Variants in SAMD12 observed in about 807,000 individuals in gnomAD.
SAMD12 encodes sterile alpha motif domain-containing protein 12.
A neutral mutation model predicts 15.0 loss-of-function variants in SAMD12; 9 were observed. The observed-to-expected ratio is 0.60, with a 90% CI of 0.36 to 1.05. The LOEUF is 1.05. Ranked by LOEUF, SAMD12 falls within the 50% of genes least tolerant of loss-of-function variation. The probability of loss-of-function intolerance (pLI) is 0.01; values close to 1 mark genes in which losing one functional copy is unlikely to be tolerated. For synonymous variants in SAMD12, 86 were observed against 90.1 expected (o/e 0.96, Z 0.25); for missense variants, 230 against 234.2 (o/e 0.98, Z 0.12).
At chr8:118,401,919 T>C (rs1332714820) in intron 3 of SAMD12, among the ~76,000 whole-genome samples, 5 of 152,214 alleles carry the variant, frequency 3.3e-5, no homozygotes, top group African/African-American at 1.2e-4. Context: ...CGATTTTCAA[T>C]CTAATTTTTA....
At chr8:118,146,241 A>G in the SAMD12 span, among the ~76,000 whole-genome samples, 3 of 152,208 alleles carry the variant, frequency 2.0e-5, no homozygotes, top group Non-Finnish European at 2.9e-5. Flanking sequence ...CATGATGTAC[A>G]AAGCATTGTG....
chr8:118,406,350 T>C (rs1408197896), intron 3 of SAMD12, among the ~76,000 whole-genome samples: 2 of 152,168 alleles, frequency 1.3e-5, no homozygotes, highest in African/African-American at 4.8e-5. Context: ...CTCGCCTCAC[T>C]GCAACTTCTG....
chr8:118,323,637 C>T (rs1174988508), intron 4 of SAMD12, among the ~76,000 whole-genome samples: 2 of 151,878 alleles, frequency 1.3e-5, no homozygotes, highest in South Asian at 4.2e-4. Context: ...GGTGTGGTGA[C>T]ACACACCTGT....
intron 4 of SAMD12, among the ~76,000 whole-genome samples, chr8:118,329,025 T>C (rs1816689436): frequency 6.6e-6 from 1 of 152,140 alleles, no homozygotes; most frequent in African/African-American, 2.4e-5. Context: ...AGATGCCACG[T>C]AAACAGCCTC....
At chr8:118,386,060 G>T (rs1039707464) in intron 3 of SAMD12, among the ~76,000 whole-genome samples, 86 of 152,196 alleles carry the variant, frequency 5.7e-4, no homozygotes, top group African/African-American at 2.0e-3. Flanking sequence ...TGAGCAGCAA[G>T]AAAAGGTGAG....
intron 2 of SAMD12, among the ~76,000 whole-genome samples, chr8:118,500,132 G>A (rs2131037809): frequency 7.0e-6 from 1 of 142,940 alleles, no homozygotes; most frequent in South Asian, 2.3e-4. Flanking sequence ...AGGCTGGAGG[G>A]CAATGGCGCG....
chr8:118,300,890 G>A (rs1814984644), intron 4 of SAMD12, among the ~76,000 whole-genome samples: 1 of 152,160 alleles, frequency 6.6e-6, no homozygotes, highest in Non-Finnish European at 1.5e-5. Context: ...TTTCTACAAT[G>A]TAAACACATC....
Position 118,225,152 on chromosome 8 carries a change from A to C in SAMD12, c.434-27420T>G, listed in dbSNP as rs565934787. 1.9e-3 allele frequency among the ~76,000 whole-genome samples: 287 copies of C among 152,298 alleles called. 2 individuals carry two copies. Among genetic ancestry groups the C allele is most frequent in the Middle Eastern group, 6.8e-3 (2 of 294 alleles). On this transcript the variant is annotated intron_variant, in intron 4 of 4. Coordinates refer to the SAMD12 transcript ENST00000409003. ...GGGGATAAGACATTTTTTATTAGAA[A>C]ATAGTAAAAGTAGTTCTCCCTAGAC...
At chr8:118,549,364 G>C (rs922192797) in intron 2 of SAMD12, among the ~76,000 whole-genome samples, 2 of 152,214 alleles carry the variant, frequency 1.3e-5, no homozygotes, top group South Asian at 4.1e-4. Context: ...AGCAGCATTC[G>C]TGGTTCACGA....
chr8:118,610,654 C>T (rs1163613273), intron 1 of SAMD12, among the ~76,000 whole-genome samples: 1 of 152,136 alleles, frequency 6.6e-6, no homozygotes, highest in Non-Finnish European at 1.5e-5. Context: ...AACAAATAGT[C>T]GAGTGCCTTC....
intron 4 of SAMD12, among the ~76,000 whole-genome samples, chr8:118,237,080 G>C (rs1392290339): frequency 3.9e-5 from 6 of 152,124 alleles, no homozygotes; most frequent in Admixed American, 3.9e-4. Flanking sequence ...ATGTCCACAG[G>C]ATTGGTGTGA....
At chr8:118,236,586 C>T (rs951398970) in intron 4 of SAMD12, among the ~76,000 whole-genome samples, 9 of 152,152 alleles carry the variant, frequency 5.9e-5, no homozygotes, top group East Asian at 1.9e-4. Context: ...AAAAAAACCT[C>T]GCCTGGGCTG....
At chr8:118,469,193 T>C (rs941003408) in intron 2 of SAMD12, among the ~76,000 whole-genome samples, 1 of 151,810 alleles carries the variant, frequency 6.6e-6, no homozygotes, top group Non-Finnish European at 1.5e-5. Flanking sequence ...TACCTTGTTG[T>C]GTACTTTTTT....
rs546368929 is a variant in SAMD12 at position 118,344,077 on chromosome 8, G to A, written c.433+35483C>T. 9.9e-4 allele frequency among the ~76,000 whole-genome samples: 150 copies of A among 152,276 alleles called. 1 individual carries two copies. Among genetic ancestry groups the A allele is most frequent in the African/African-American group, 3.5e-3 (146 of 41,548 alleles). ...GTGACTGCCAGGAAATGAAGCAAGC[G>A]AGGGACAGCAAACTTCAATCCAAAC... is the stretch of plus-strand genomic sequence containing the variant. On this transcript the variant is annotated intron_variant, in intron 4 of 4. Transcript: ENST00000409003.
the SAMD12 span, among the ~76,000 whole-genome samples, chr8:118,171,067 T>C: frequency 2.0e-5 from 3 of 152,208 alleles, no homozygotes; most frequent in South Asian, 2.1e-4. Context: ...TAAGTACATA[T>C]AAAAATGCTC....
chr8:118,429,003 T>G (rs950861923), intron 3 of SAMD12, among the ~76,000 whole-genome samples: 5 of 152,220 alleles, frequency 3.3e-5, no homozygotes, highest in African/African-American at 4.8e-5. Context: ...TGATTGTGAT[T>G]GCAGTGAATC....
intron 2 of SAMD12, among the ~76,000 whole-genome samples, chr8:118,532,694 A>G (rs1040354975): frequency 5.3e-5 from 8 of 152,066 alleles, no homozygotes; most frequent in Non-Finnish European, 8.8e-5. Flanking sequence ...GGAATTTATC[A>G]GTTTCCTCTA....
intron 4 of SAMD12, among the ~76,000 whole-genome samples, chr8:118,325,195 T>G (rs1213255172): frequency 6.6e-6 from 1 of 152,248 alleles, no homozygotes; most frequent in Non-Finnish European, 1.5e-5. Context: ...GATGTGGCAA[T>G]GGAACCCTAA....
At chr8:118,366,470 T>A (rs1818772990) in intron 4 of SAMD12, among the ~76,000 whole-genome samples, 1 of 152,184 alleles carries the variant, frequency 6.6e-6, no homozygotes, top group African/African-American at 2.4e-5. Context: ...TTCTCAATGT[T>A]TTTTGAATTA....
Sources: allele counts gnomAD v4.1 joint callset (sites outside exome capture counted in the v4.1 genomes callset), GRCh38; gene constraint gnomAD v4.1.1; transcripts MANE v1.5; gene names NCBI Gene and HGNC (gene_info 2026-07-23, HGNC 2026-07-21).